Variants in PDE1C observed in about 807,000 individuals in gnomAD.
PDE1C encodes the protein dual specificity calcium/calmodulin-dependent 3',5'-cyclic nucleotide phosphodiesterase 1C.
In PDE1C, 62 loss-of-function variants were observed where a neutral mutation model predicts 93.1. The ratio of observed to expected loss-of-function variants is 0.67; its 90% CI spans 0.54 to 0.82. The LOEUF (loss-of-function observed/expected upper bound fraction) is 0.82, where lower values mean the gene tolerates loss of function less well. Ranked by LOEUF, PDE1C falls within the 40% of genes least tolerant of loss-of-function variation. The pLI, the probability that PDE1C is intolerant of heterozygous loss-of-function variation, is 0.00. For synonymous variants in PDE1C, 325 were observed against 310.1 expected, an observed-to-expected ratio of 1.05 and a Z score of -0.50; for missense variants, 742 against 884.6, an observed-to-expected ratio of 0.84 and a Z score of 2.04.
downstream of PDE1C, among the ~76,000 whole-genome samples, chr7:31,749,735 AT>A (rs776124846): frequency 1.2e-3 from 161 of 131,338 alleles, no homozygotes; most frequent in African/African-American, 4.4e-3. Flanking sequence ...CTGTTGTCTA[AT>A]TTTTTTTTTT....
intron 1 of PDE1C, among the ~76,000 whole-genome samples, chr7:32,054,790 T>C (rs1001445226): frequency 6.6e-6 from 1 of 152,198 alleles, no homozygotes; most frequent in Admixed American, 6.5e-5. Context: ...AATGGTATCA[T>C]CTTACAATGG....
chr7:32,012,721 C>T (rs1787313451), intron 2 of PDE1C, among the ~76,000 whole-genome samples: 1 of 152,106 alleles, frequency 6.6e-6, no homozygotes, highest in African/African-American at 2.4e-5. Flanking sequence ...TATGTCAAAA[C>T]TTATTATACA....
chr7:32,256,242 T>C (rs1463208469), intron 1 of PDE1C, among the ~76,000 whole-genome samples: 2 of 152,228 alleles, frequency 1.3e-5, no homozygotes, highest in Admixed American at 6.5e-5. Flanking sequence ...AAGTTTTTTC[T>C]GAAGTGCGTA....
At chr7:31,892,899 A>C (rs1248520479) in intron 2 of PDE1C, among the ~76,000 whole-genome samples, 1 of 152,158 alleles carries the variant, frequency 6.6e-6, no homozygotes, top group African/African-American at 2.4e-5. Flanking sequence ...AAATTGCTAA[A>C]AGGGTAGATT....
At chr7:32,052,132 G>A (rs1793467723) in intron 1 of PDE1C, among the ~76,000 whole-genome samples, 1 of 152,142 alleles carries the variant, frequency 6.6e-6, no homozygotes, top group South Asian at 2.1e-4. Flanking sequence ...GCTAAACTAT[G>A]AGATGAGACA....
At chr7:31,921,240 C>T (rs75444437) in intron 2 of PDE1C, among the ~76,000 whole-genome samples, 2,849 of 152,276 alleles carry the variant, frequency 0.019, 51 homozygotes, top group Non-Finnish European at 0.029. Context: ...TTGCATAATA[C>T]TTGAATTCAA....
At chr7:32,159,820 C>T (rs1313283716) in intron 3 of PDE1C, among the ~76,000 whole-genome samples, 1 of 152,074 alleles carries the variant, frequency 6.6e-6, no homozygotes, top group Non-Finnish European at 1.5e-5. Flanking sequence ...ACTCAGTGGC[C>T]AGTAGAGTTA....
chr7:31,810,314 T>C (rs1254455045), intron 15 of PDE1C, among the ~76,000 whole-genome samples: 1 of 152,128 alleles, frequency 6.6e-6, no homozygotes, highest in African/African-American at 2.4e-5. Context: ...CTGGTACTTA[T>C]TGAAGCCAAA....
chr7:31,871,858 C>A (rs1464157420), intron 6 of PDE1C, among the ~76,000 whole-genome samples: 1 of 151,784 alleles, frequency 6.6e-6, no homozygotes, highest in Non-Finnish European at 1.5e-5. Flanking sequence ...AATCTCACTA[C>A]TGGGTATTTA....
the PDE1C span, chr7:31,695,430 T>C: frequency 6.4e-7 from 1 of 1,552,916 alleles, no homozygotes; most frequent in Non-Finnish European, 8.7e-7. Context: ...TCCTTAATCA[T>C]GTTATATTCT....
At chr7:32,420,301 A>G (rs111237579) in intron 1 of PDE1C, among the ~76,000 whole-genome samples, 1 of 24,506 alleles carries the variant, frequency 4.1e-5, no homozygotes, top group Non-Finnish European at 7.4e-5. Flanking sequence ...ATATATGTGT[A>G]TATATATACA....
In PDE1C at chr7:31,807,737, G is replaced by T. The variant is rs1463983270; in HGVS notation, c.1891+1294C>A. Among the ~76,000 whole-genome samples the T allele has an allele frequency of 3.3e-5, 5 of 151,890 alleles. No homozygotes were observed. In the East Asian group the frequency reaches 9.8e-4, roughly 30 times the overall value. On this transcript the variant is annotated intron_variant, in intron 16 of 17. Transcript: ENST00000396191. The stretch of plus-strand genomic sequence containing the variant: ...CTCCACTGTACATTTTCTGGCTTTG[G>T]TTGCCTTGATTTGGTATTGATGGCT...
intron 1 of PDE1C, among the ~76,000 whole-genome samples, chr7:32,294,630 G>A (rs143556547): frequency 7.0e-4 from 106 of 152,298 alleles, no homozygotes; most frequent in African/African-American, 2.3e-3. Flanking sequence ...GGAGGTGTTT[G>A]TTTGTATTTC....
chr7:32,310,494 A>G (rs1043274919), intron 1 of PDE1C, among the ~76,000 whole-genome samples: 2 of 152,278 alleles, frequency 1.3e-5, no homozygotes, highest in Admixed American at 1.3e-4. Context: ...TTGACCACAT[A>G]CTTGGAAGTA....
intron 1 of PDE1C, among the ~76,000 whole-genome samples, chr7:32,306,319 A>C (rs215613): frequency 0.99 from 150,342 of 152,336 alleles, 74,210 homozygotes; most frequent in Middle Eastern, 1. Flanking sequence ...CACTCTTCCA[A>C]TCCAATAGTG....
At position 31,775,830 on chromosome 7, in the gene PDE1C, A is replaced by AAAACAATGT; in HGVS notation, c.1892-107_1892-99dup. ...TGAAATGTTATCAAGTTGGGGTCTGAAAACAATGTTTAGAAGCAGGTTAGG... is the reference window on the plus strand; with the variant it reads ...TGAAATGTTATCAAGTTGGGGTCTGAAAACAATGTAAACAATGTTTAGAAGCAGGTTAGG... On this transcript the variant is annotated intron_variant, in intron 16 of 17. Coordinates refer to ENST00000396191, the MANE Select transcript of PDE1C (RefSeq NM_001191057.4). The AAAACAATGT allele has an allele frequency of 2.9e-6, 3 of 1,038,116 alleles. No homozygotes were observed. In the East Asian group the frequency reaches 7.5e-5, roughly 26 times the overall value. The allele number at this position is 1,038,116 out of a possible 1,614,324, so 64.3% of individuals were successfully genotyped here. A position where few individuals can be genotyped will look rare whatever the true frequency, so the allele number is the denominator to read the frequency against.
chr7:31,748,375 T>C (rs4723098), downstream of PDE1C, among the ~76,000 whole-genome samples: 109,272 of 152,146 alleles, frequency 0.72, 39,902 homozygotes, highest in Non-Finnish European at 0.79. Context: ...TAATGACTGA[T>C]ATCTAGACGA....
chr7:31,830,827 G>A (rs1175872307), intron 11 of PDE1C, among the ~76,000 whole-genome samples: 1 of 152,192 alleles, frequency 6.6e-6, no homozygotes, highest in Non-Finnish European at 1.5e-5. Context: ...CACTTTGGAA[G>A]CAAGGTAGAT....
At chr7:31,785,388 T>C (rs955832112) in intron 16 of PDE1C, 2 of 152,120 alleles carry the variant, frequency 1.3e-5, no homozygotes, top group Admixed American at 1.3e-4. Context: ...AAGCCAGCCA[T>C]TGCCAGGGTT....
Sources: allele counts gnomAD v4.1 joint callset (sites outside exome capture counted in the v4.1 genomes callset), GRCh38; gene constraint gnomAD v4.1.1; transcripts MANE v1.5; gene names NCBI Gene and HGNC (gene_info 2026-07-23, HGNC 2026-07-21).